Variants in CACNA1E observed in about 807,000 individuals in gnomAD.
CACNA1E encodes calcium voltage-gated channel subunit alpha1 E, also known as voltage-dependent R-type calcium channel subunit alpha-1E.
Under a neutral mutation model 259.2 loss-of-function variants are expected in CACNA1E, and 40 were observed. That is an observed-to-expected ratio of 0.15 (90% CI 0.12 to 0.20). The LOEUF (loss-of-function observed/expected upper bound fraction) is 0.20. CACNA1E is among the 10% of genes least tolerant of loss of function. CACNA1E has a pLI of 1.00. For synonymous variants in CACNA1E, 1,104 were observed against 1,138.5 expected (o/e 0.97, Z 0.61); for missense variants, 1,874 against 3,040.1 (o/e 0.62, Z 9.02).
At chr1:181,644,918 C>G (rs1658125373) in intron 6 of CACNA1E, among the ~76,000 whole-genome samples, 1 of 152,078 alleles carries the variant, frequency 6.6e-6, no homozygotes, top group African/African-American at 2.4e-5. Context: ...AATAACATTC[C>G]AGGTGAAGCT....
Position 181,798,277 on chromosome 1 carries a change from T to C in CACNA1E, c.6400-15T>C. On this transcript the variant is annotated splice_polypyrimidine_tract_variant and intron_variant, in intron 47 of 47. Transcript: ENST00000367573. The surrounding 1 kb of genome is among the most constrained non-coding windows in gnomAD (Gnocchi z 4.2). Reference sequence around the variant, plus strand: ...CAAGCCCAATCTAACATGCCATGTCTCTCCTGCTATACAGGGCACAGGTTC... The same window carrying C: ...CAAGCCCAATCTAACATGCCATGTCCCTCCTGCTATACAGGGCACAGGTTC... 1 of 1,566,428 alleles carries C rather than the reference T, an allele frequency of 6.4e-7. No individual in the cohort carries two copies. Among genetic ancestry groups the C allele is most frequent in the Non-Finnish European group, 8.7e-7 (1 of 1,155,870 alleles).
intron 7 of CACNA1E, among the ~76,000 whole-genome samples, chr1:181,659,274 C>T (rs1388452840): frequency 6.6e-6 from 1 of 152,106 alleles, no homozygotes; most frequent in Admixed American, 6.5e-5. Context: ...AGGCACCTGC[C>T]TCTGGGGCAC....
intron 3 of CACNA1E, among the ~76,000 whole-genome samples, chr1:181,531,339 T>C (rs779645505): frequency 1.3e-5 from 2 of 152,218 alleles, no homozygotes; most frequent in South Asian, 2.1e-4. Flanking sequence ...TTAGCACTTA[T>C]CTGCATTTTC....
intron 1 of CACNA1E, among the ~76,000 whole-genome samples, chr1:181,366,633 G>A (rs1398830644): frequency 2.0e-5 from 3 of 152,142 alleles, no homozygotes; most frequent in Non-Finnish European, 2.9e-5. Flanking sequence ...AGTGGGCTAC[G>A]TGGCCGACTG....
At chr1:181,352,981 C>T (rs1653152941) in intron 1 of CACNA1E, among the ~76,000 whole-genome samples, 1 of 152,162 alleles carries the variant, frequency 6.6e-6, no homozygotes, top group African/African-American at 2.4e-5. Flanking sequence ...TTTGGATTGA[C>T]CCTCAGTGCC....
intron 6 of CACNA1E, among the ~76,000 whole-genome samples, chr1:181,628,756 G>A (rs1656429708): frequency 6.6e-6 from 1 of 152,170 alleles, no homozygotes; most frequent in South Asian, 2.1e-4. Context: ...GTGTCAATCA[G>A]CTTTTTGTAA....
Position 181,803,171 on chromosome 1 carries a change from A to G in CACNA1E, c.*4337A>G, listed in dbSNP as rs796244529. 1.2e-4 allele frequency: 18 copies of G among 152,308 alleles called. No homozygotes were observed. The highest frequency in any genetic ancestry group is 4.3e-4 in the African/African-American group (18 of 41,548). 9.4% of individuals were successfully genotyped at this position (152,308 alleles called of 1,614,324 possible). A position where few individuals can be genotyped will look rare whatever the true frequency, so the allele number is the denominator to read the frequency against. ...CCCCACTAGCTCTCTCACCCAGCCT[A>G]CAAGTCCTTCTCTCATAGATCCCAG... On this transcript the variant is annotated 3_prime_UTR_variant, in exon 48 of 48. Transcript: ENST00000367573.
chr1:181,769,880 CAG>C (rs777897369), intron 35 of CACNA1E, among the ~76,000 whole-genome samples: 50 of 152,122 alleles, frequency 3.3e-4, no homozygotes, highest in Non-Finnish European at 6.2e-4. Context: ...CTGGGGTATC[CAG>C]AGTTAATTAG....
intron 7 of CACNA1E, among the ~76,000 whole-genome samples, chr1:181,680,709 C>CTCAG (rs1649873459): frequency 6.6e-6 from 1 of 152,240 alleles, no homozygotes; most frequent in East Asian, 1.9e-4. Context: ...CCTCTGTGTT[C>CTCAG]CCAGTCAGTG....
rs74127843 is a variant in CACNA1E at position 181,743,203 on chromosome 1, G to C, written c.3719+3950G>C. Reference sequence around the variant, plus strand: ...TGGGCCACATGGAGACAGAGTGTTTGCTGACTATAAATGTCCAGAGCTGTG... The same window carrying C: ...TGGGCCACATGGAGACAGAGTGTTTCCTGACTATAAATGTCCAGAGCTGTG... On this transcript the variant is annotated intron_variant, in intron 25 of 47. Transcript: ENST00000367573. Among the ~76,000 whole-genome samples, 1,096 of 152,316 alleles carry C rather than the reference G, an allele frequency of 7.2e-3. 15 individuals carry two copies. The highest frequency in any genetic ancestry group is 0.025 in the African/African-American group (1,041 of 41,550).
At chr1:181,677,779 T>A (rs1649526393) in intron 7 of CACNA1E, among the ~76,000 whole-genome samples, 1 of 152,154 alleles carries the variant, frequency 6.6e-6, no homozygotes, top group Non-Finnish European at 1.5e-5. Flanking sequence ...CTTTGAAAGG[T>A]AGCTGGAACT....
chr1:181,752,024 C>A, intron 26 of CACNA1E, 119 bp from the exon 27 acceptor site: 1 of 776,814 alleles, frequency 1.3e-6, no homozygotes, highest in South Asian at 1.4e-5. Context: ...TGGCTTCTTG[C>A]CTCCATCTCT....
chr1:181,389,163 C>CAT (rs140130728), intron 1 of CACNA1E, among the ~76,000 whole-genome samples: 79,931 of 151,758 alleles, frequency 0.53, 22,523 homozygotes, highest in African/African-American at 0.74. Context: ...GCTTACGTAA[C>CAT]GTGTATTTTC....
rs759213239 is a variant in CACNA1E, at chr1:181,783,666, C to G, written c.5365-13C>G. 1.6e-6 allele frequency: 2 copies of G among 1,256,526 alleles called. No individual in the cohort carries two copies. Among genetic ancestry groups the G allele is most frequent in the South Asian group, 1.8e-5 (1 of 56,652 alleles). The allele number at this position is 1,256,526 out of a possible 1,614,324, so 77.8% of individuals were successfully genotyped here. A position where few individuals can be genotyped will look rare whatever the true frequency, so the allele number is the denominator to read the frequency against. The stretch of plus-strand genomic sequence containing the variant: ...TTTTTTTGCCTGCTGTTTCTTTTTT[C>G]TCTTTCACACAGAGGTTGGTCCTGA... On this transcript the variant is annotated splice_polypyrimidine_tract_variant and intron_variant, in intron 39 of 47. Transcript: ENST00000367573.
chr1:181,601,910 C>A (rs145613891), intron 6 of CACNA1E, among the ~76,000 whole-genome samples: 12 of 152,328 alleles, frequency 7.9e-5, no homozygotes, highest in African/African-American at 2.9e-4. Context: ...TCTGCTCCAG[C>A]ACAGTAGCCC....
At chr1:181,388,583 G>C (rs931395140) in intron 1 of CACNA1E, among the ~76,000 whole-genome samples, 1 of 152,086 alleles carries the variant, frequency 6.6e-6, no homozygotes, top group Non-Finnish European at 1.5e-5. Context: ...CATAGAAAAG[G>C]TACAATAAAA....
At chr1:181,635,974 T>C (rs1657174638) in intron 6 of CACNA1E, among the ~76,000 whole-genome samples, 1 of 152,206 alleles carries the variant, frequency 6.6e-6, no homozygotes, top group African/African-American at 2.4e-5. Context: ...TGATAAGTAT[T>C]GTAATAACCT....
chr1:181,696,151 G>T (rs764246107), intron 7 of CACNA1E, among the ~76,000 whole-genome samples: 3 of 150,672 alleles, frequency 2.0e-5, no homozygotes, highest in African/African-American at 7.3e-5. Context: ...TTTATCAAAA[G>T]ATGCCATTAA....
chr1:181,786,966 T>A (rs1392404863), intron 43 of CACNA1E, among the ~76,000 whole-genome samples: 1 of 152,104 alleles, frequency 6.6e-6, no homozygotes, highest in African/African-American at 2.4e-5. Flanking sequence ...CATTTTTTTT[T>A]TAAATAATTT....
Sources: gnomAD v4.1 joint callset for allele counts (sites outside exome capture counted in the v4.1 genomes callset) on GRCh38, gnomAD v4.1.1 for gene constraint, Gnocchi (gnomAD v3.1) non-coding constraint, MANE v1.5 for transcripts, NCBI Gene and HGNC (gene_info 2026-07-23, HGNC 2026-07-21) for gene names.